The following GSPT1 variants were observed in gnomAD, a reference collection of about 807,000 sequenced individuals.
GSPT1 encodes G1 to S phase transition 1.
In GSPT1, 20 loss-of-function variants were observed where a neutral mutation model predicts 72.5. The observed-to-expected ratio is 0.28, with a 90% CI of 0.19 to 0.40. GSPT1 has a LOEUF of 0.40. Among genes scored for constraint, GSPT1 ranks in the 10% least tolerant of loss-of-function variants. The pLI is 1.00. For synonymous variants in GSPT1, 334 were observed against 293.5 expected (o/e 1.14, Z -1.41); for missense variants, 580 against 811.9 (o/e 0.71, Z 3.47).
chr16:11,915,229 G>T (rs1458971771), intron 1 of GSPT1, 140 bp downstream of exon 1: 2 of 1,147,358 alleles, frequency 1.7e-6, no homozygotes, highest in Non-Finnish European at 2.1e-6. Flanking sequence ...GGCTCGGGGC[G>T]CCCCACCCAG....
chr16:11,899,007 T>C (rs1323040240), intron 1 of GSPT1, among the ~76,000 whole-genome samples: 1 of 152,134 alleles, frequency 6.6e-6, no homozygotes, highest in Non-Finnish European at 1.5e-5. Flanking sequence ...GAGAAATACA[T>C]ACTAATAACC....
chr16:11,901,258 A>G (rs76636714), intron 1 of GSPT1, among the ~76,000 whole-genome samples: 2,298 of 152,304 alleles, frequency 0.015, 23 homozygotes, highest in Non-Finnish European at 0.025. Flanking sequence ...TGACTCACAT[A>G]ACATCCAGAT....
chr16:11,883,289 T>C (rs1336018857), intron 10 of GSPT1, among the ~76,000 whole-genome samples, 194 bp from the exon 11 acceptor site: 1 of 151,878 alleles, frequency 6.6e-6, no homozygotes, highest in Non-Finnish European at 1.5e-5. Flanking sequence ...TATGATCATA[T>C]TAATAATTCA....
intron 10 of GSPT1, among the ~76,000 whole-genome samples, chr16:11,884,491 G>T (rs966542665): frequency 2.2e-4 from 34 of 152,352 alleles, no homozygotes; most frequent in Non-Finnish European, 4.4e-4. Flanking sequence ...CGGGCATGGT[G>T]GCTCATGCCT....
At chr16:11,910,981 A>C (rs1256575379) in intron 1 of GSPT1, among the ~76,000 whole-genome samples, 1 of 152,184 alleles carries the variant, frequency 6.6e-6, no homozygotes, top group East Asian at 1.9e-4. Context: ...CAAAAAGGTC[A>C]GCCATGGCAG....
In GSPT1 at chr16:11,915,504, C is replaced by T. The variant is rs1248242449; in HGVS notation, c.217G>A (p.Ala73Thr). Residue 73 changes from alanine (A) to threonine (T), a missense_variant, in exon 1 of 15, where the codon GCC (alanine) becomes ACC (threonine). Coordinates refer to ENST00000434724, the MANE Select transcript of GSPT1 (RefSeq NM_002094.4). ...AAFSRQLNVN[A>T]KPFVPNVHAA... ...TGGACGTTGGGCACGAAGGGCTTGG[C>T]GTTGACGTTGAGTTGCCGGCTGAAG... is the stretch of plus-strand genomic sequence containing the variant. The T allele has an allele frequency of 6.5e-7, 1 of 1,544,226 alleles. No homozygotes were observed. Among genetic ancestry groups the T allele is most frequent in the South Asian group, 1.2e-5 (1 of 83,852 alleles).
chr16:11,889,965 CT>C (rs78081535), intron 6 of GSPT1, among the ~76,000 whole-genome samples: 307 of 137,408 alleles, frequency 2.2e-3, no homozygotes, highest in Middle Eastern at 4.1e-3. Context: ...TTCCTTTTTT[CT>C]TTTTTTTTTT....
At chr16:11,895,158 C>T (rs933816763) in intron 4 of GSPT1, 171 bp from the exon 5 acceptor site, 12 of 524,296 alleles carry the variant, frequency 2.3e-5, no homozygotes, top group African/African-American at 7.7e-5. Context: ...AGGCTGGGCT[C>T]GGTGGCTCAC....
chr16:11,899,764 G>C (rs1567447383), intron 1 of GSPT1, among the ~76,000 whole-genome samples: 1 of 152,096 alleles, frequency 6.6e-6, no homozygotes, highest in African/African-American at 2.4e-5. Context: ...AAGTTCACAG[G>C]CCACCCTAAG....
rs977662706 is a variant in GSPT1, at chr16:11,872,571, C to T, written c.*548G>A. On this transcript the variant is annotated 3_prime_UTR_variant, in exon 15 of 15. Coordinates refer to ENST00000434724, the MANE Select transcript of GSPT1 (RefSeq NM_002094.4). ...GGTAGGGAAAGAGTTTATAAAAGTC[C>T]AAGTAATAAAATGTATTCAATTACT... 6.7e-6 allele frequency: 1 copy of T among 149,530 alleles called. No homozygotes were observed. Among genetic ancestry groups the T allele is most frequent in the African/African-American group, 2.5e-5 (1 of 40,584 alleles). The allele number at this position is 149,530 out of a possible 1,614,324, so 9.3% of individuals were successfully genotyped here.
Position 11,870,765 on chromosome 16 carries a change from C to G in GSPT1, c.*2354G>C, listed in dbSNP as rs1251939662. The G allele has an allele frequency of 1.3e-5, 2 of 152,196 alleles. No homozygotes were observed. Among genetic ancestry groups the G allele is most frequent in the African/African-American group, 4.8e-5 (2 of 41,456 alleles). The allele number at this position is 152,196 out of a possible 1,614,324, so 9.4% of individuals were successfully genotyped here. A position where few individuals can be genotyped will look rare whatever the true frequency, so the allele number is the denominator to read the frequency against. On this transcript the variant is annotated 3_prime_UTR_variant, in exon 15 of 15. Coordinates refer to ENST00000434724, the MANE Select transcript of GSPT1 (RefSeq NM_002094.4). ...AGCACTGAAATTTCTTTTGAATAAT[C>G]TAATCTTGCAAATATGCAAGAATCC... is the stretch of plus-strand genomic sequence containing the variant.
rs189184075 is a variant in GSPT1, at chr16:11,898,528, C to T, written c.353-493G>A. ...GTGCAATGGCACGATCTTGGCTTAC[C>T]GCAACCTCCATCTCCCCGGTTCAAG... On this transcript the variant is annotated intron_variant, in intron 1 of 14. Coordinates refer to ENST00000434724, the MANE Select transcript of GSPT1 (RefSeq NM_002094.4). 1.5e-4 allele frequency among the ~76,000 whole-genome samples: 22 copies of T among 150,460 alleles called. No homozygotes were observed. In the East Asian group the frequency reaches 3.9e-3, roughly 27 times the overall value.
intron 10 of GSPT1, among the ~76,000 whole-genome samples, chr16:11,884,889 A>C (rs2054168201): frequency 6.6e-6 from 1 of 151,816 alleles, no homozygotes; most frequent in African/African-American, 2.4e-5. Context: ...TGACACAGTG[A>C]AACCCCGTCT....
intron 11 of GSPT1, among the ~76,000 whole-genome samples, chr16:11,879,603 C>T (rs938339127): frequency 3.3e-5 from 5 of 151,022 alleles, no homozygotes; most frequent in African/African-American, 4.9e-5. Context: ...CATGGTGGCA[C>T]GTTCCTGTAA....
At chr16:11,885,084 A>C (rs2054171698) in intron 10 of GSPT1, 97 bp downstream of exon 10, 6 of 651,446 alleles carry the variant, frequency 9.2e-6, no homozygotes, top group African/African-American at 3.7e-5. Flanking sequence ...AAAACAAGAA[A>C]GAAAAGAAAA....
intron 6 of GSPT1, among the ~76,000 whole-genome samples, chr16:11,889,105 G>A (rs1018310228): frequency 2.1e-4 from 32 of 152,020 alleles, no homozygotes; most frequent in Admixed American, 6.6e-5. Flanking sequence ...TCAGGAGATT[G>A]AGACCATCGT....
At chr16:11,902,681 G>C (rs1311260924) in intron 1 of GSPT1, among the ~76,000 whole-genome samples, 3 of 148,736 alleles carry the variant, frequency 2.0e-5, no homozygotes, top group Non-Finnish European at 4.5e-5. Context: ...TCCACCTCCT[G>C]GGTTCAAGCG....
In GSPT1 at chr16:11,872,567, A is replaced by T. The variant is rs967653580; in HGVS notation, c.*552T>A. On this transcript the variant is annotated 3_prime_UTR_variant, in exon 15 of 15. Coordinates refer to ENST00000434724, the MANE Select transcript of GSPT1 (RefSeq NM_002094.4). The stretch of plus-strand genomic sequence containing the variant: ...AGTGGGTAGGGAAAGAGTTTATAAA[A>T]GTCCAAGTAATAAAATGTATTCAAT... 1 of 150,912 alleles carries T rather than the reference A, an allele frequency of 6.6e-6. No individual in the cohort carries two copies. Among genetic ancestry groups the T allele is most frequent in the Non-Finnish European group, 1.5e-5 (1 of 67,594 alleles). The allele number at this position is 150,912 out of a possible 1,614,324, so 9.3% of individuals were successfully genotyped here. A position where few individuals can be genotyped will look rare whatever the true frequency, so the allele number is the denominator to read the frequency against.
At chr16:11,875,093 G>A (rs1036392111) in intron 14 of GSPT1, among the ~76,000 whole-genome samples, 4 of 152,122 alleles carry the variant, frequency 2.6e-5, no homozygotes, top group African/African-American at 9.7e-5. Context: ...GGAGGCTGAG[G>A]CAGGAGAATG....
Sources: gnomAD v4.1 joint callset for allele counts (sites outside exome capture counted in the v4.1 genomes callset) on GRCh38, gnomAD v4.1.1 for gene constraint, MANE v1.5 for transcripts, NCBI Gene and HGNC (gene_info 2026-07-23, HGNC 2026-07-21) for gene names.